The following RNF130 variants were observed in gnomAD, a reference collection of about 807,000 sequenced individuals.
RNF130 encodes E3 ubiquitin-protein ligase RNF130.
A neutral mutation model predicts 44.6 loss-of-function variants in RNF130; 21 were observed. The ratio of observed to expected loss-of-function variants is 0.47; its 90% CI spans 0.33 to 0.68. The LOEUF (loss-of-function observed/expected upper bound fraction) is 0.68. Among genes scored for constraint, RNF130 ranks in the 30% least tolerant of loss-of-function variants. The pLI, the probability that RNF130 is intolerant of heterozygous loss-of-function variation, is 0.02. For missense variants in RNF130, 479 were observed against 560.6 expected (o/e 0.85, Z 1.47); for synonymous variants, 214 against 210.4 (o/e 1.02, Z -0.15).
At chr5:179,958,595 C>G (rs949119248) in intron 8 of RNF130, among the ~76,000 whole-genome samples, 2 of 152,226 alleles carry the variant, frequency 1.3e-5, no homozygotes, top group Admixed American at 1.3e-4. Flanking sequence ...TATCCTGTAG[C>G]TTCTGTCTGA....
chr5:179,978,052 C>T, intron 5 of RNF130, 151 bp downstream of exon 5: 1 of 664,708 alleles, frequency 1.5e-6, no homozygotes, highest in South Asian at 1.8e-5. Flanking sequence ...CTGCTGGCCT[C>T]AGCCCCATGG....
At chr5:179,922,192 G>A (rs530334891) in intron 7 of RNF130, among the ~76,000 whole-genome samples, 1 of 149,676 alleles carries the variant, frequency 6.7e-6, no homozygotes, top group South Asian at 2.1e-4. Context: ...TGCATTCTCT[G>A]ATGACTAGTG....
Position 179,990,534 on chromosome 5 carries a change from C to T in RNF130, c.694-10334G>A, listed in dbSNP as rs184416447. The stretch of plus-strand genomic sequence containing the variant: ...AACTGCGGGTGGGCCTGACATCAGT[C>T]GGGCCTTCCACAAGAGGTGGTGGAG... On this transcript the variant is annotated intron_variant, in intron 3 of 8. Coordinates refer to ENST00000521389, the MANE Select transcript of RNF130 (RefSeq NM_018434.6). Among the ~76,000 whole-genome samples, 458 of 152,296 alleles carry T rather than the reference C, an allele frequency of 3.0e-3. 4 individuals carry two copies. Among genetic ancestry groups the T allele is most frequent in the Middle Eastern group, 0.014 (4 of 294 alleles).
At chr5:179,988,479 G>C (rs1304625822) in intron 3 of RNF130, among the ~76,000 whole-genome samples, 2 of 152,114 alleles carry the variant, frequency 1.3e-5, no homozygotes, top group African/African-American at 4.8e-5. Flanking sequence ...GTTCCTTGAG[G>C]TGCATAACTG....
intron 1 of RNF130, among the ~76,000 whole-genome samples, chr5:180,068,247 C>T (rs1765152808): frequency 6.6e-6 from 1 of 152,254 alleles, no homozygotes; most frequent in African/African-American, 2.4e-5. Flanking sequence ...CCACAGCAGA[C>T]CCTAGCTAGG....
At chr5:179,990,507 A>G (rs2113029215) in intron 3 of RNF130, among the ~76,000 whole-genome samples, 1 of 152,342 alleles carries the variant, frequency 6.6e-6, no homozygotes, top group East Asian at 1.9e-4. Context: ...AGGCCTCCAG[A>G]TAACTGCGGG....
chr5:179,966,525 A>G (rs1189248165), intron 7 of RNF130, among the ~76,000 whole-genome samples: 1 of 152,184 alleles, frequency 6.6e-6, no homozygotes, highest in African/African-American at 2.4e-5. Flanking sequence ...TTTGTAATGC[A>G]ATGATTTCAA....
At chr5:180,002,862 G>A (rs1315136807) in intron 3 of RNF130, among the ~76,000 whole-genome samples, 1 of 152,000 alleles carries the variant, frequency 6.6e-6, no homozygotes, top group Non-Finnish European at 1.5e-5. Flanking sequence ...TTTTTGCAAG[G>A]AGGACAAGTT....
At chr5:180,027,706 C>T (rs2113116488) in intron 2 of RNF130, among the ~76,000 whole-genome samples, 1 of 152,328 alleles carries the variant, frequency 6.6e-6, no homozygotes, top group East Asian at 1.9e-4. Flanking sequence ...CTCCACACGT[C>T]ACCTGTGGGG....
chr5:180,071,345 CGGCCGGGCAGCGCGGGAGAGCCAG>C, intron 1 of RNF130, 87 bp downstream of exon 1: 1 of 1,088,870 alleles, frequency 9.2e-7, no homozygotes, highest in Non-Finnish European at 1.2e-6. Flanking sequence ...CTGGGGCTGT[CGGCCGGGCAGCGCGGGAGAGCCAG>C]GGCCAGAGCC....
chr5:179,944,131 C>T (rs560387101), intron 7 of RNF130, among the ~76,000 whole-genome samples: 111 of 151,324 alleles, frequency 7.3e-4, no homozygotes, highest in African/African-American at 2.6e-3. Context: ...GCCACCATGC[C>T]TAGCTTTTTG....
At chr5:179,958,563 G>C (rs1762259059) in intron 8 of RNF130, among the ~76,000 whole-genome samples, 1 of 152,212 alleles carries the variant, frequency 6.6e-6, no homozygotes, top group Admixed American at 6.5e-5. Flanking sequence ...TACCTGATCT[G>C]AGGTCGGCCT....
rs1761699321 is a variant in RNF130 at position 179,925,770 on chromosome 5, C to G, written c.1151-5344G>C. Among the ~76,000 whole-genome samples the G allele has an allele frequency of 2.6e-5, 4 of 152,122 alleles. No homozygotes were observed. In the South Asian group the frequency reaches 8.3e-4, roughly 32 times the overall value. ...CTGGTTTCAAATCCCTGGGCTTAAGCCATCCTCCCACCTTGGCCTCCTAAA... is the reference window on the plus strand; with the variant it reads ...CTGGTTTCAAATCCCTGGGCTTAAGGCATCCTCCCACCTTGGCCTCCTAAA... On this transcript the variant is annotated intron_variant, in intron 7 of 7. Transcript: ENST00000522208.
intron 2 of RNF130, among the ~76,000 whole-genome samples, chr5:180,039,063 G>C (rs1016393851): frequency 1.1e-4 from 16 of 152,142 alleles, no homozygotes; most frequent in Admixed American, 9.8e-4. Context: ...AAATTAAACT[G>C]CCCCTTAATT....
intron 5 of RNF130, among the ~76,000 whole-genome samples, chr5:179,973,310 C>G (rs1369268646): frequency 6.6e-6 from 1 of 152,206 alleles, no homozygotes; most frequent in Non-Finnish European, 1.5e-5. Flanking sequence ...CCACAGGCAG[C>G]TGCCCTGAAC....
intron 3 of RNF130, among the ~76,000 whole-genome samples, chr5:180,002,133 T>C (rs1763359283): frequency 6.6e-6 from 1 of 152,228 alleles, no homozygotes; most frequent in South Asian, 2.1e-4. Flanking sequence ...TCACTCTGGA[T>C]GGCCAATGCA....
At chr5:179,952,547 G>C (rs1374818318), downstream of RNF130, among the ~76,000 whole-genome samples, 1 of 152,116 alleles carries the variant, frequency 6.6e-6, no homozygotes, top group Non-Finnish European at 1.5e-5. Context: ...GACATGATAA[G>C]AATTAATTAC....
At chr5:179,921,857 C>T (rs1479506176) in intron 7 of RNF130, among the ~76,000 whole-genome samples, 1 of 149,616 alleles carries the variant, frequency 6.7e-6, no homozygotes, top group Non-Finnish European at 1.5e-5. Flanking sequence ...CCCGTCTCTA[C>T]TAAAAATACA....
At chr5:179,975,056 G>A (rs190607852) in intron 5 of RNF130, among the ~76,000 whole-genome samples, 88 of 152,380 alleles carry the variant, frequency 5.8e-4, no homozygotes, top group African/African-American at 1.8e-3. Context: ...CCAGCCAGGC[G>A]GGGAGGCTCT....
Sources: allele counts gnomAD v4.1 joint callset (sites outside exome capture counted in the v4.1 genomes callset), GRCh38; gene constraint gnomAD v4.1.1; transcripts MANE v1.5; gene names NCBI Gene and HGNC (gene_info 2026-07-23, HGNC 2026-07-21).